NAV2: variants seen among roughly 807,000 people sequenced by gnomAD.
NAV2 encodes neuron navigator 2, also known as helicase, APC down-regulated 1.
In NAV2, 54 loss-of-function variants were observed where a neutral mutation model predicts 223.2. The observed-to-expected ratio is 0.24, with a 90% CI of 0.19 to 0.30. The LOEUF (loss-of-function observed/expected upper bound fraction) is 0.30, where lower values mean the gene tolerates loss of function less well. NAV2 is among the 10% of genes least tolerant of loss of function. The pLI is 1.00. For synonymous variants in NAV2, 1,279 were observed against 1,239.3 expected (o/e 1.03, Z -0.67); for missense variants, 2,806 against 3,147.5 (o/e 0.89, Z 2.60).
At chr11:19,728,563 G>A (rs888769075) in intron 1 of NAV2, among the ~76,000 whole-genome samples, 1 of 152,178 alleles carries the variant, frequency 6.6e-6, no homozygotes, top group Admixed American at 6.5e-5. Context: ...ACGTACAGCA[G>A]CATGGTCTTA....
chr11:20,045,229 A>G lies in NAV2; in HGVS notation c.3461A>G (p.Lys1154Arg). The change falls in exon 14 of 38, where the codon AAG (lysine) becomes AGG (arginine). Residue 1154 changes from lysine to arginine, a missense_variant. By Grantham distance (26) the Lys-to-Arg change is conservative. Around this residue, in one of 4 missense-constraint regions of NAV2, gnomAD observed 742 missense variants for 777.9 expected, o/e 0.95. Transcript: ENST00000349880. ...SRSATLGKIP[K>R]SSALVSRSAG... The stretch of plus-strand genomic sequence containing the variant: ...TCAGCCACACTGGGCAAAATCCCAA[A>G]GTCATCTGCACTCGTCAGTCGGTCT... 2 of 1,614,170 alleles carry G rather than the reference A, an allele frequency of 1.2e-6. 1 individual carries two copies. The highest frequency in any genetic ancestry group is 2.2e-5 in the South Asian group (2 of 91,078).
At chr11:19,954,742 C>T (rs187191010) in intron 10 of NAV2, among the ~76,000 whole-genome samples, 1 of 152,214 alleles carries the variant, frequency 6.6e-6, no homozygotes, top group Non-Finnish European at 1.5e-5. Context: ...TCCATCCAAG[C>T]AGAGGTAGTG....
chr11:19,862,769 G>C (rs1387635942), intron 3 of NAV2, among the ~76,000 whole-genome samples: 1 of 151,958 alleles, frequency 6.6e-6, no homozygotes, highest in African/African-American at 2.4e-5. Flanking sequence ...GATACAGGTG[G>C]ACAAAAAAAA....
At chr11:19,875,573 T>C (rs2153072538) in intron 4 of NAV2, among the ~76,000 whole-genome samples, 1 of 152,284 alleles carries the variant, frequency 6.6e-6, no homozygotes, top group Non-Finnish European at 1.5e-5. Context: ...ATGCGAAATA[T>C]CCAGAAAAGG....
Position 19,825,375 on chromosome 11 carries a change from C to CA in NAV2, c.268-7109_268-7108insA, listed in dbSNP as rs542153758. On this transcript the variant is annotated intron_variant, in intron 1 of 37. Coordinates refer to ENST00000349880, the MANE Select transcript of NAV2 (RefSeq NM_145117.5). ...TAGAGTGAGGCTTCCTGAATTGGGG[C>CA]CAAACAGTAGCATTCCCCTTACAAT... Among the ~76,000 whole-genome samples, 1,225 of 148,880 alleles carry CA rather than the reference C, an allele frequency of 8.2e-3. 26 individuals are homozygous for CA. The highest frequency in any genetic ancestry group is 0.024 in the African/African-American group (987 of 40,504).
At chr11:20,053,164 G>T (rs1368906603) in intron 17 of NAV2, among the ~76,000 whole-genome samples, 1 of 134,416 alleles carries the variant, frequency 7.4e-6, no homozygotes, top group African/African-American at 2.8e-5. Context: ...GTTGCAGTGA[G>T]CCGAGATCAT....
At position 20,107,057 on chromosome 11, in the gene NAV2, ATTTTTTTTTTTTTTTTTTTTTT is replaced by A. The variant is rs10590815; in HGVS notation, c.6842-590_6842-569del. Among the ~76,000 whole-genome samples the A allele has an allele frequency of 3.7e-4, 10 of 27,228 alleles. 1 individual carries two copies. Among genetic ancestry groups the A allele is most frequent in the Admixed American group, 6.2e-4 (1 of 1,614 alleles). 17.9% of individuals were successfully genotyped at this position (27,228 alleles called of 152,430 possible). On this transcript the variant is annotated intron_variant, in intron 35 of 37. Transcript: ENST00000349880. ...TTTGGACTTGCAGTCATGGGCTTCCATTTTTTTTTTTTTTTTTTTTTTTTTTTTTTTTTTTTTTAGGACGGAG... is the reference window on the plus strand; with the variant it reads ...TTTGGACTTGCAGTCATGGGCTTCCATTTTTTTTTTTTTTTTAGGACGGAG...
At chr11:19,836,885 C>T (rs1408535229) in intron 2 of NAV2, among the ~76,000 whole-genome samples, 3 of 152,250 alleles carry the variant, frequency 2.0e-5, no homozygotes, top group Admixed American at 6.5e-5. Flanking sequence ...ATCTTTTCAC[C>T]GTGTCCTTCC....
At chr11:19,817,745 C>G (rs1256359165) in intron 1 of NAV2, among the ~76,000 whole-genome samples, 1 of 152,086 alleles carries the variant, frequency 6.6e-6, no homozygotes, top group African/African-American at 2.4e-5. Context: ...CCCACTTGGC[C>G]CTGTAAATAA....
intron 1 of NAV2, among the ~76,000 whole-genome samples, chr11:19,443,483 T>A (rs1851475644): frequency 6.6e-6 from 1 of 152,220 alleles, no homozygotes; most frequent in Admixed American, 6.5e-5. Flanking sequence ...TTGCAGAAAG[T>A]CCCACATGCT....
intron 16 of NAV2, 26 bp downstream of exon 16, chr11:20,049,927 A>G: frequency 6.2e-7 from 1 of 1,611,366 alleles, no homozygotes. Context: ...GCCGGGGACC[A>G]ACCGAGCCTC....
intron 11 of NAV2, among the ~76,000 whole-genome samples, chr11:20,022,236 G>A (rs1462012654): frequency 1.3e-5 from 2 of 152,136 alleles, no homozygotes; most frequent in African/African-American, 2.4e-5. Flanking sequence ...ATTGTTCATA[G>A]CATCTGTTTA....
chr11:19,579,614 G>A (rs959230642), intron 1 of NAV2, among the ~76,000 whole-genome samples: 20 of 152,346 alleles, frequency 1.3e-4, no homozygotes, highest in Non-Finnish European at 1.9e-4. Flanking sequence ...AAGATAGGAA[G>A]GAAATAGACA....
intron 1 of NAV2, among the ~76,000 whole-genome samples, chr11:19,451,605 G>T (rs1327308369): frequency 1.3e-5 from 2 of 152,190 alleles, no homozygotes; most frequent in Non-Finnish European, 2.9e-5. Context: ...AGGTGACTTG[G>T]GTATTGCACA....
intron 11 of NAV2, among the ~76,000 whole-genome samples, chr11:20,033,150 G>T (rs1198142463): frequency 6.6e-6 from 1 of 152,204 alleles, no homozygotes; most frequent in Non-Finnish European, 1.5e-5. Flanking sequence ...ACATCGGTCA[G>T]CGTACTTATT....
At chr11:19,885,768 A>C (rs1359618926) in intron 5 of NAV2, among the ~76,000 whole-genome samples, 1 of 152,218 alleles carries the variant, frequency 6.6e-6, no homozygotes. Flanking sequence ...CTACAATTTC[A>C]ATACATATTC....
At chr11:19,968,551 T>C (rs901147951) in intron 10 of NAV2, among the ~76,000 whole-genome samples, 1 of 152,162 alleles carries the variant, frequency 6.6e-6, no homozygotes, top group Non-Finnish European at 1.5e-5. Context: ...GTAAACATGT[T>C]TTACTGTTGA....
At chr11:19,471,851 C>T (rs1275617194) in intron 1 of NAV2, among the ~76,000 whole-genome samples, 1 of 152,176 alleles carries the variant, frequency 6.6e-6, no homozygotes, top group African/African-American at 2.4e-5. Context: ...CAATTGACTT[C>T]ACCCCACTGC....
At chr11:19,948,482 C>A (rs1185989599) in intron 9 of NAV2, among the ~76,000 whole-genome samples, 1 of 152,074 alleles carries the variant, frequency 6.6e-6, no homozygotes, top group Non-Finnish European at 1.5e-5. Flanking sequence ...GGGAAAGTCT[C>A]CGGTAGGCTT....
Sources: gnomAD v4.1 joint callset for allele counts (sites outside exome capture counted in the v4.1 genomes callset) on GRCh38, gnomAD v4.1.1 for gene constraint, gnomAD v4.1.1 regional missense constraint, MANE v1.5 for transcripts, NCBI Gene and HGNC (gene_info 2026-07-23, HGNC 2026-07-21) for gene names.